The following DUSP18 variants were observed in gnomAD, a reference collection of about 807,000 sequenced individuals.
DUSP18 encodes dual specificity protein phosphatase 18.
Under a neutral mutation model 6.3 loss-of-function variants are expected in DUSP18, and 4 were observed. The ratio of observed to expected loss-of-function variants is 0.63; its 90% confidence interval spans 0.31 to 1.45. DUSP18 has a LOEUF of 1.45. Ranked by LOEUF, DUSP18 falls within the 40% of genes most tolerant of loss-of-function variation. DUSP18 has a pLI of 0.07. For synonymous variants in DUSP18, 96 were observed against 95.1 expected, an observed-to-expected ratio of 1.01 and a Z score of -0.05; for missense variants, 235 against 247.7, an observed-to-expected ratio of 0.95 and a Z score of 0.34.
At chr22:30,664,193 C>T (rs1328917482) in intron 1 of DUSP18, 113 bp from the exon 2 acceptor site, 2 of 608,114 alleles carry the variant, frequency 3.3e-6, no homozygotes, top group Non-Finnish European at 5.8e-6. Flanking sequence ...GTCCTCTGAC[C>T]ATCACAGCAG....
chr22:30,659,024 T>C (rs2088403519), downstream of DUSP18, among the ~76,000 whole-genome samples: 1 of 148,760 alleles, frequency 6.7e-6, no homozygotes, highest in Non-Finnish European at 1.5e-5. Context: ...TTCGGGAGGC[T>C]GAGGCAGGAG....
intron 2 of DUSP18, among the ~76,000 whole-genome samples, chr22:30,652,500 A>G (rs1185590379): frequency 6.6e-6 from 1 of 152,192 alleles, no homozygotes. Flanking sequence ...TATAAACTAT[A>G]AACTAAGTTT....
chr22:30,661,779 T>G lies in DUSP18; in HGVS notation c.*1658A>C, dbSNP rs951470764. 6.6e-6 allele frequency: 1 copy of G among 152,232 alleles called. No homozygotes were observed. Among genetic ancestry groups the G allele is most frequent in the Non-Finnish European group, 1.5e-5 (1 of 68,058 alleles). The allele number at this position is 152,232 out of a possible 1,614,324, so 9.4% of individuals were successfully genotyped here. A position where few individuals can be genotyped will look rare whatever the true frequency, so the allele number is the denominator to read the frequency against. On this transcript the variant is annotated 3_prime_UTR_variant, in exon 2 of 2. Coordinates refer to ENST00000334679, the MANE Select transcript of DUSP18 (RefSeq NM_152511.5). ...GTGAACAATCCTGAATTCCAGGGCC[T>G]ACTGATGGAGTCCACTAGTTAGTCC...
chr22:30,663,773 T>C lies in DUSP18; in HGVS notation c.231A>G (p.Ser77=). 2 of 1,614,080 alleles carry C rather than the reference T, an allele frequency of 1.2e-6. No individual in the cohort carries two copies. Among genetic ancestry groups the C allele is most frequent in the Non-Finnish European group, 1.7e-6 (2 of 1,180,008 alleles). ...MQVPVADSPN[S]RLCDFFDPIA... is the part of the protein sequence containing the mutation. The stretch of plus-strand genomic sequence containing the variant: ...TAGGGTCAAAGAAGTCACAGAGACG[T>C]GAGTTAGGGGAGTCAGCCACAGGTA... The change falls in exon 2 of 2, where the codon TCA becomes TCG. Residue 77 remains serine (S), a synonymous_variant. Transcript: ENST00000334679.
Position 30,663,760 on chromosome 22 carries a change from A to C in DUSP18, c.244T>G (p.Phe82Val), listed in dbSNP as rs370884993. 5.0e-6 allele frequency: 8 copies of C among 1,614,110 alleles called. No individual in the cohort carries two copies. Among genetic ancestry groups the C allele is most frequent in the Non-Finnish European group, 6.8e-6 (8 of 1,180,050 alleles). Residue 82 changes from phenylalanine (F) to valine (V), a missense_variant, in exon 2 of 2, where the codon TTC becomes GTC. By Grantham distance (50) the Phe-to-Val change is conservative (BLOSUM62 -1). Transcript: ENST00000334679. ...ATATGGTCAGCAATAGGGTCAAAGA[A>C]GTCACAGAGACGTGAGTTAGGGGAG... Reference protein sequence around the residue: ...ADSPNSRLCDFFDPIADHIHS... With the variant: ...ADSPNSRLCDVFDPIADHIHS...
At position 30,663,415 on chromosome 22, in the gene DUSP18, A is replaced by G. The variant is rs777330023; in HGVS notation, c.*22T>C. The G allele has an allele frequency of 1.1e-5, 17 of 1,590,496 alleles. No homozygotes were observed. The East Asian group carries it at 1.6e-4, about 15-fold the overall frequency. ...CAATAGATCTGTACCTCTGACTCCA[A>G]TGCAGGGGCTCGTGGGATGGCTCAC... On this transcript the variant is annotated 3_prime_UTR_variant, in exon 2 of 2. Coordinates refer to ENST00000334679, the MANE Select transcript of DUSP18 (RefSeq NM_152511.5).
intron 2 of DUSP18, among the ~76,000 whole-genome samples, chr22:30,655,363 G>A (rs1394806858): frequency 1.4e-5 from 2 of 146,126 alleles, no homozygotes; most frequent in Admixed American, 1.4e-4. Context: ...AGGCTGAGAT[G>A]GGAGGCTGCA....
intron 1 of DUSP18, chr22:30,665,672 C>T (rs73400323): frequency 2.1e-4 from 78 of 377,746 alleles, no homozygotes; most frequent in Admixed American, 1.3e-3. Context: ...TTACTGAAGA[C>T]GTAGTTTTGC....
In DUSP18 at chr22:30,663,638, G is replaced by A. The variant is rs1453536658; in HGVS notation, c.366C>T (p.Tyr122=). Residue 122 remains tyrosine, a synonymous_variant, in exon 2 of 2, where the codon TAC becomes TAT. Transcript: ENST00000334679. ...GGGCGTCCAGCAGGGACATGGCGTG[G>A]TACTTCATGAGGTAGGCGAGGCACA... ...AALCLAYLMK[Y]HAMSLLDAHT... is the part of the protein sequence containing the mutation. 6 of 1,614,246 alleles carry A rather than the reference G, an allele frequency of 3.7e-6. No individual in the cohort carries two copies. The highest frequency in any genetic ancestry group is 4.2e-6 in the Non-Finnish European group (5 of 1,180,052).
chr22:30,665,429 C>T (rs2088612866), intron 1 of DUSP18: 5 of 443,700 alleles, frequency 1.1e-5, no homozygotes, highest in South Asian at 8.3e-5. Flanking sequence ...GACAACCTGT[C>T]CTCTCCAGCC....
chr22:30,661,500 G>A lies in DUSP18; in HGVS notation c.*1937C>T, dbSNP rs998524480. On this transcript the variant is annotated 3_prime_UTR_variant, in exon 2 of 2. Transcript: ENST00000334679. ...TCTCACTCTTGTTGCCCAGGCTGGA[G>A]TGCAATGGTGCAAGCTCGGCTCACT... 1 of 146,744 alleles carries A rather than the reference G, an allele frequency of 6.8e-6. No homozygotes were observed. Among genetic ancestry groups the A allele is most frequent in the Non-Finnish European group, 1.5e-5 (1 of 67,290 alleles). 9.1% of individuals were successfully genotyped at this position (146,744 alleles called of 1,614,324 possible).
downstream of DUSP18, among the ~76,000 whole-genome samples, chr22:30,657,177 G>A (rs920845136): frequency 6.6e-6 from 1 of 152,040 alleles, no homozygotes; most frequent in Non-Finnish European, 1.5e-5. Flanking sequence ...GCTCACACCT[G>A]TAATCCCAGC....
downstream of DUSP18, among the ~76,000 whole-genome samples, chr22:30,658,926 C>T (rs984671582): frequency 2.0e-5 from 3 of 152,064 alleles, no homozygotes; most frequent in South Asian, 2.1e-4. Context: ...GGGTGGATCA[C>T]GAGATCAGGA....
downstream of DUSP18, among the ~76,000 whole-genome samples, chr22:30,658,513 C>A (rs966230877): frequency 1.3e-5 from 2 of 151,906 alleles, no homozygotes; most frequent in Non-Finnish European, 1.5e-5. Context: ...GGGGAATCTC[C>A]GTTGCCTTTT....
intron 1 of DUSP18, among the ~76,000 whole-genome samples, chr22:30,666,217 G>A (rs1465443679): frequency 6.6e-6 from 1 of 152,198 alleles, no homozygotes; most frequent in Non-Finnish European, 1.5e-5. Context: ...AGTGGGTAAC[G>A]GGAATAGAGG....
At chr22:30,655,429 C>CAAAAAAA (rs5844917) in intron 2 of DUSP18, among the ~76,000 whole-genome samples, 4 of 111,646 alleles carry the variant, frequency 3.6e-5, no homozygotes, top group African/African-American at 1.1e-4. Context: ...GAGATCCTAC[C>CAAAAAAA]AAAAAAAAAA....
rs1268492454 is a variant in DUSP18 at position 30,662,084 on chromosome 22, G to C, written c.*1353C>G. 1 of 112,630 alleles carries C rather than the reference G, an allele frequency of 8.9e-6. No homozygotes were observed. Among genetic ancestry groups the C allele is most frequent in the Admixed American group, 1.1e-4 (1 of 9,494 alleles). The allele number at this position is 112,630 out of a possible 1,614,324, so 7.0% of individuals were successfully genotyped here. On this transcript the variant is annotated 3_prime_UTR_variant, in exon 2 of 2. Transcript: ENST00000334679. ...GGGTAACTTTTTGGAAGAGTACTTT[G>C]TAACAATAAAGTGCTGTGCACAGAA...
intron 2 of DUSP18, chr22:30,654,012 C>T (rs1022735887): frequency 1.3e-5 from 2 of 152,220 alleles, no homozygotes; most frequent in Non-Finnish European, 2.9e-5. Flanking sequence ...CGGAGTCGCA[C>T]TCTGTCGCCC....
downstream of DUSP18, among the ~76,000 whole-genome samples, chr22:30,659,202 C>T (rs1381226029): frequency 1.3e-5 from 2 of 150,838 alleles, no homozygotes; most frequent in Non-Finnish European, 2.9e-5. Flanking sequence ...AGATGAGGAT[C>T]GAACCGAAGA....
Sources: allele counts gnomAD v4.1 joint callset (sites outside exome capture counted in the v4.1 genomes callset), GRCh38; gene constraint gnomAD v4.1.1; transcripts MANE v1.5; gene names NCBI Gene and HGNC (gene_info 2026-07-23, HGNC 2026-07-21).